MAP3K5: variants seen among roughly 807,000 people sequenced by gnomAD.
The protein encoded by MAP3K5 is ASK-1.
Under a neutral mutation model 158.7 loss-of-function variants are expected in MAP3K5, and 56 were observed. The observed-to-expected ratio is 0.35, with a 90% CI of 0.28 to 0.44. The LOEUF (loss-of-function observed/expected upper bound fraction) is 0.44. Among genes scored for constraint, MAP3K5 ranks in the 20% least tolerant of loss-of-function variants. The probability of loss-of-function intolerance (pLI) is 1.00; values close to 1 mark genes in which losing one functional copy is unlikely to be tolerated. For synonymous variants in MAP3K5, 579 were observed against 601.7 expected, an observed-to-expected ratio of 0.96 and a Z score of 0.55; for missense variants, 1,294 against 1,674.8, an observed-to-expected ratio of 0.77 and a Z score of 3.97.
chr6:136,651,089 T>C lies in MAP3K5; in HGVS notation c.1683A>G (p.Val561=), dbSNP rs937734236. ...KTDVTVVRFP[V]LILEPTKIYQ... is the part of the protein sequence containing the mutation. Reference sequence around the variant, plus strand: ...AGATTTTGGTTGGTTCTAATATTAATACCTTGAAAAGATACGGCAAAGAAA... The same window carrying C: ...AGATTTTGGTTGGTTCTAATATTAACACCTTGAAAAGATACGGCAAAGAAA... Residue 561 remains valine (V), a splice_region_variant and synonymous_variant, in exon 11 of 30, where the codon GTA becomes GTG. Coordinates refer to ENST00000359015, the MANE Select transcript of MAP3K5 (RefSeq NM_005923.4). 4 of 1,534,254 alleles carry C rather than the reference T, an allele frequency of 2.6e-6. No individual in the cohort carries two copies. The highest frequency in any genetic ancestry group is 2.3e-5 in the South Asian group (2 of 88,238).
chr6:136,601,321 T>C (rs1775866619), intron 20 of MAP3K5, among the ~76,000 whole-genome samples: 1 of 152,216 alleles, frequency 6.6e-6, no homozygotes, highest in Non-Finnish European at 1.5e-5. Flanking sequence ...CTCTTTCTTT[T>C]TCCTTCTTGC....
intron 7 of MAP3K5, among the ~76,000 whole-genome samples, chr6:136,688,687 T>C (rs914373760): frequency 2.0e-5 from 3 of 152,196 alleles, no homozygotes; most frequent in African/African-American, 7.2e-5. Flanking sequence ...CTGAACTTTA[T>C]GCGACCTTGA....
chr6:136,591,444 T>G (rs1775382683), intron 23 of MAP3K5, among the ~76,000 whole-genome samples: 2 of 152,262 alleles, frequency 1.3e-5, no homozygotes, highest in African/African-American at 4.8e-5. Context: ...TAGATAGTTA[T>G]CTTGTTTTTA....
At chr6:136,744,593 T>C (rs940382766) in intron 1 of MAP3K5, among the ~76,000 whole-genome samples, 1 of 152,044 alleles carries the variant, frequency 6.6e-6, no homozygotes, top group African/African-American at 2.4e-5. Flanking sequence ...AAAGTAGAAC[T>C]TCCAACCCCA....
chr6:136,730,638 C>T (rs1167882158), intron 1 of MAP3K5, among the ~76,000 whole-genome samples: 1 of 149,110 alleles, frequency 6.7e-6, no homozygotes, highest in Admixed American at 6.8e-5. Flanking sequence ...AGGAGAATGG[C>T]GTGAACCCAG....
chr6:136,561,611 A>C lies in MAP3K5; in HGVS notation c.3909T>G (p.Ser1303=). The part of the protein sequence containing the change: ...IPELPVFHLN[S]SGTNTEDSEL... ...CAGAATCTTCAGTATTTGTGCCAGA[A>C]GAATTTAGATGAAATACAGGCAATT... The change falls in exon 28 of 30, where the codon TCT becomes TCG. Residue 1303 remains serine, a synonymous_variant. Transcript: ENST00000359015. 1 of 1,613,596 alleles carries C rather than the reference A, an allele frequency of 6.2e-7. No homozygotes were observed. Among genetic ancestry groups the C allele is most frequent in the Non-Finnish European group, 8.5e-7 (1 of 1,179,490 alleles).
intron 12 of MAP3K5, among the ~76,000 whole-genome samples, chr6:136,640,395 C>G (rs1389435320): frequency 6.6e-6 from 1 of 152,146 alleles, no homozygotes; most frequent in African/African-American, 2.4e-5. Context: ...GTCCAGGGGG[C>G]ACAGTTTGTC....
intron 1 of MAP3K5, among the ~76,000 whole-genome samples, chr6:136,746,577 C>T (rs1337862170): frequency 1.3e-5 from 2 of 152,040 alleles, no homozygotes; most frequent in Admixed American, 1.3e-4. Flanking sequence ...CCCCACCACA[C>T]AGAGAAAACC....
rs1200158876 is a variant in MAP3K5 at position 136,613,419 on chromosome 6, A to T, written c.2279-163T>A. ...CAAACATGAATTTGCAAATATCCCT[A>T]CTCTAAAGATGCTTGTAATCAAATA... On this transcript the variant is annotated intron_variant, in intron 16 of 29. Transcript: ENST00000359015. This position sits in a 1 kb window ranked among gnomAD's most constrained non-coding sequence, Gnocchi z 4.0. 6.6e-6 allele frequency among the ~76,000 whole-genome samples: 1 copy of T among 152,142 alleles called. No individual in the cohort carries two copies. Among genetic ancestry groups the T allele is most frequent in the Non-Finnish European group, 1.5e-5 (1 of 68,022 alleles).
chr6:136,637,359 G>A lies in MAP3K5; in HGVS notation c.1982C>T (p.Thr661Ile), dbSNP rs749722070. 1.9e-6 allele frequency: 3 copies of A among 1,612,604 alleles called. No individual in the cohort carries two copies. The highest frequency in any genetic ancestry group is 2.5e-6 in the Non-Finnish European group (3 of 1,178,698). The change falls in exon 14 of 30, where the codon ACA becomes ATA. Residue 661 changes from threonine (T) to isoleucine (I), a missense_variant. Coordinates refer to ENST00000359015, the MANE Select transcript of MAP3K5 (RefSeq NM_005923.4). ...NTITEEKGRS[T>I]EEGDCESDLL... ...GTCACTTTCACAGTCTCCTTCCTCT[G>A]TGCTTCTCCCCTTCTCTTCGGTAAT...
At chr6:136,557,885 A>AAGTGACTTCTT in intron 29 of MAP3K5, 67 bp from the exon 30 acceptor site, 2 of 1,041,258 alleles carry the variant, frequency 1.9e-6, no homozygotes, top group Middle Eastern at 2.0e-4. Flanking sequence ...TGAAATAGAA[A>AAGTGACTTCTT]AGTGACTTCT....
At chr6:136,588,168 A>G (rs900956543) in intron 23 of MAP3K5, among the ~76,000 whole-genome samples, 1 of 151,772 alleles carries the variant, frequency 6.6e-6, no homozygotes. Context: ...TTCTTTCTTC[A>G]CCTCCAATGC....
intron 15 of MAP3K5, among the ~76,000 whole-genome samples, chr6:136,614,726 T>C (rs923259439): frequency 6.6e-6 from 1 of 152,220 alleles, no homozygotes; most frequent in Non-Finnish European, 1.5e-5. Context: ...AACTTTATTA[T>C]TGACTATAAA....
chr6:136,751,503 A>G (rs1019199809), intron 1 of MAP3K5, among the ~76,000 whole-genome samples: 4 of 152,188 alleles, frequency 2.6e-5, no homozygotes, highest in African/African-American at 9.7e-5. Context: ...CTATGCATAC[A>G]CAAACACCAA....
intron 10 of MAP3K5, among the ~76,000 whole-genome samples, chr6:136,652,846 G>A (rs1778578317): frequency 6.6e-6 from 1 of 152,154 alleles, no homozygotes; most frequent in Non-Finnish European, 1.5e-5. Context: ...CTCTATCCTT[G>A]AAATGACAAA....
At chr6:136,742,154 T>G (rs975439912) in intron 1 of MAP3K5, among the ~76,000 whole-genome samples, 1 of 152,140 alleles carries the variant, frequency 6.6e-6, no homozygotes, top group African/African-American at 2.4e-5. Context: ...ATTCCTAAGT[T>G]TATGTGGAGA....
At chr6:136,783,148 T>C (rs972871895) in intron 1 of MAP3K5, among the ~76,000 whole-genome samples, 2 of 151,790 alleles carry the variant, frequency 1.3e-5, no homozygotes, top group African/African-American at 4.8e-5. Flanking sequence ...TACATAAAAA[T>C]ACAAAAATTG....
chr6:136,724,837 T>A (rs1466498486), intron 1 of MAP3K5, among the ~76,000 whole-genome samples: 1 of 152,172 alleles, frequency 6.6e-6, no homozygotes, highest in East Asian at 1.9e-4. Context: ...TACAGTCTAA[T>A]GGGCTTTGAA....
In MAP3K5 at chr6:136,709,887, G is replaced by GC. The variant is rs548793302; in HGVS notation, c.589-4755dup. 6.3e-3 allele frequency among the ~76,000 whole-genome samples: 963 copies of GC among 152,192 alleles called. 11 individuals carry two copies. The highest frequency in any genetic ancestry group is 0.011 in the Non-Finnish European group (775 of 68,004). ...TTCGAGGCCACAGTGAGCTATGATCGCACCACTGCACTCCAGCCTGGGTGA... is the reference window on the plus strand; with the variant it reads ...TTCGAGGCCACAGTGAGCTATGATCGCCACCACTGCACTCCAGCCTGGGTGA... On this transcript the variant is annotated intron_variant, in intron 2 of 29. Transcript: ENST00000359015.
Sources: allele counts gnomAD v4.1 joint callset (sites outside exome capture counted in the v4.1 genomes callset), GRCh38; gene constraint gnomAD v4.1.1; non-coding constraint Gnocchi (gnomAD v3.1); transcripts MANE v1.5; gene names NCBI Gene and HGNC (gene_info 2026-07-23, HGNC 2026-07-21).